Variants in LRP1B observed in about 807,000 individuals in gnomAD.
The protein encoded by LRP1B is low-density lipoprotein receptor-related protein 1B.
In LRP1B, 217 loss-of-function variants were observed where a neutral mutation model predicts 556.6. The ratio of observed to expected loss-of-function variants is 0.39; its 90% CI spans 0.35 to 0.44. The LOEUF (loss-of-function observed/expected upper bound fraction) is 0.44. Among genes scored for constraint, LRP1B ranks in the 20% least tolerant of loss-of-function variants. The pLI is 1.00. For missense variants in LRP1B, 5,053 were observed against 5,620.8 expected (o/e 0.90, Z 3.23); for synonymous variants, 2,047 against 1,865.8 (o/e 1.10, Z -2.50).
chr2:140,700,941 G>A (rs985758259), intron 40 of LRP1B, among the ~76,000 whole-genome samples: 1 of 151,782 alleles, frequency 6.6e-6, no homozygotes, highest in African/African-American at 2.4e-5. Context: ...TTCATATATT[G>A]TTCATTTAAA....
At chr2:141,745,743 G>A (rs1373142096) in intron 2 of LRP1B, among the ~76,000 whole-genome samples, 1 of 151,880 alleles carries the variant, frequency 6.6e-6, no homozygotes, top group Non-Finnish European at 1.5e-5. Flanking sequence ...CTTTTCTCAA[G>A]CAGAAGAAGT....
At chr2:141,418,110 G>A (rs1427123968) in intron 3 of LRP1B, among the ~76,000 whole-genome samples, 5 of 152,082 alleles carry the variant, frequency 3.3e-5, no homozygotes, top group African/African-American at 9.7e-5. Flanking sequence ...TTGCTATTGA[G>A]TTGTATGAGT....
chr2:140,432,067 C>T (rs372497032), intron 66 of LRP1B, among the ~76,000 whole-genome samples: 30 of 152,206 alleles, frequency 2.0e-4, no homozygotes, highest in South Asian at 1.0e-3. Flanking sequence ...GGCCGGTTCC[C>T]GCCTTAACTG....
At chr2:141,631,753 G>A (rs1688917964) in intron 2 of LRP1B, among the ~76,000 whole-genome samples, 1 of 152,006 alleles carries the variant, frequency 6.6e-6, no homozygotes, top group Admixed American at 6.6e-5. Context: ...GCTTATTAAA[G>A]CAGCTTTTCT....
At chr2:140,399,751 A>G (rs766972060) in intron 66 of LRP1B, among the ~76,000 whole-genome samples, 15 of 152,172 alleles carry the variant, frequency 9.9e-5, no homozygotes, top group Non-Finnish European at 1.5e-5. Flanking sequence ...GGCTGTAAAG[A>G]CTTTATGGAA....
chr2:141,502,893 A>T (rs1425557255), intron 2 of LRP1B, among the ~76,000 whole-genome samples: 1 of 150,894 alleles, frequency 6.6e-6, no homozygotes, highest in Non-Finnish European at 1.5e-5. Flanking sequence ...AAAATTAAAA[A>T]TAAGACAGCT....
Position 141,254,575 on chromosome 2 carries a change from C to T in LRP1B, c.410G>A (p.Arg137Lys), listed in dbSNP as rs1187821521. The T allele has an allele frequency of 6.2e-7, 1 of 1,611,700 alleles. No homozygotes were observed. Among genetic ancestry groups the T allele is most frequent in the Admixed American group, 1.7e-5 (1 of 59,884 alleles). ...TTCGAATCCATCCTCACAGTAACAT[C>T]TTGTACTATTTCTGACCATTGTACA... is the stretch of plus-strand genomic sequence containing the variant. ...YKCTMVRNST[R>K]CYCEDGFEIT... The change falls in exon 4 of 91, where the codon AGA becomes AAA. Residue 137 changes from arginine to lysine, a missense_variant. Arg to Lys is a conservative substitution (Grantham distance 26). This residue lies in a region of LRP1B where 3,619 missense variants were observed against 3,931.9 expected (regional missense o/e 0.92). Transcript: ENST00000389484.
chr2:141,820,741 G>A (rs567179459), intron 1 of LRP1B, among the ~76,000 whole-genome samples: 9 of 152,264 alleles, frequency 5.9e-5, no homozygotes, highest in African/African-American at 2.2e-4. Context: ...ATTCTAGCTG[G>A]AGCTCATTCA....
intron 1 of LRP1B, among the ~76,000 whole-genome samples, chr2:142,042,584 A>G (rs1298052084): frequency 6.6e-6 from 1 of 151,480 alleles, no homozygotes; most frequent in African/African-American, 2.4e-5. Context: ...TCACAGCAAT[A>G]AAAAAGGGAC....
intron 2 of LRP1B, among the ~76,000 whole-genome samples, chr2:141,627,943 A>G (rs539218339): frequency 1.1e-4 from 16 of 152,342 alleles, no homozygotes; most frequent in Non-Finnish European, 1.8e-4. Context: ...ATGAAGCTCA[A>G]TTTTGCTGTA....
chr2:141,545,999 C>A (rs7574682), intron 2 of LRP1B, among the ~76,000 whole-genome samples: 42,473 of 151,898 alleles, frequency 0.28, 6,051 homozygotes, highest in South Asian at 0.45. Flanking sequence ...ATAATTTGTA[C>A]CAGTAGCAAC....
chr2:141,201,523 T>C (rs974919752), intron 6 of LRP1B, among the ~76,000 whole-genome samples: 2 of 152,134 alleles, frequency 1.3e-5, no homozygotes, highest in African/African-American at 4.8e-5. Flanking sequence ...AACTTCTGTT[T>C]GCATATATTA....
At chr2:140,265,195 A>G (rs1292155696) in intron 86 of LRP1B, among the ~76,000 whole-genome samples, 1 of 152,144 alleles carries the variant, frequency 6.6e-6, no homozygotes, top group Non-Finnish European at 1.5e-5. Context: ...TATTGAGCTC[A>G]ATAATTCTTC....
intron 1 of LRP1B, among the ~76,000 whole-genome samples, chr2:141,857,466 G>A (rs895440642): frequency 6.6e-6 from 1 of 151,638 alleles, no homozygotes; most frequent in African/African-American, 2.4e-5. Flanking sequence ...TCAGCCTCCC[G>A]AGTAGTTGGG....
At chr2:141,854,197 C>T (rs1216404956) in intron 1 of LRP1B, among the ~76,000 whole-genome samples, 1 of 151,816 alleles carries the variant, frequency 6.6e-6, no homozygotes, top group Non-Finnish European at 1.5e-5. Context: ...AACATGGAAG[C>T]GGCACTTACA....
chr2:141,397,548 A>G (rs1690286469), intron 3 of LRP1B, among the ~76,000 whole-genome samples: 2 of 152,022 alleles, frequency 1.3e-5, no homozygotes, highest in African/African-American at 4.8e-5. Context: ...GCATTAAAGG[A>G]AACTGACTTA....
chr2:141,297,126 T>G (rs1315536113), intron 3 of LRP1B, among the ~76,000 whole-genome samples: 1 of 152,208 alleles, frequency 6.6e-6, no homozygotes, highest in Non-Finnish European at 1.5e-5. Context: ...CCTAGGTTGA[T>G]TCCATGTATT....
intron 41 of LRP1B, among the ~76,000 whole-genome samples, chr2:140,679,348 GC>G (rs1259216885): frequency 6.6e-6 from 1 of 152,084 alleles, no homozygotes; most frequent in Admixed American, 6.5e-5. Context: ...TTTTTAAAAA[GC>G]CCTTAAGTTT....
chr2:140,607,759 G>T (rs1424625960), intron 41 of LRP1B, among the ~76,000 whole-genome samples: 1 of 151,844 alleles, frequency 6.6e-6, no homozygotes, highest in Admixed American at 6.6e-5. Flanking sequence ...TGGTTTAATT[G>T]TTATCCAGTA....
Sources: allele counts gnomAD v4.1 joint callset (sites outside exome capture counted in the v4.1 genomes callset), GRCh38; gene constraint gnomAD v4.1.1; regional missense constraint gnomAD v4.1.1; transcripts MANE v1.5; gene names NCBI Gene and HGNC (gene_info 2026-07-23, HGNC 2026-07-21).